ZNF600: variants seen among roughly 807,000 people sequenced by gnomAD.
ZNF600 encodes the protein zinc finger protein KR-ZNF1.
Under a neutral mutation model 7.3 loss-of-function variants are expected in ZNF600, and 4 were observed. That is an observed-to-expected ratio of 0.55 (90% CI 0.27 to 1.25). The LOEUF (loss-of-function observed/expected upper bound fraction) is 1.25, where lower values mean the gene tolerates loss of function less well. Among genes scored for constraint, ZNF600 ranks in the 50% most tolerant of loss-of-function variants. ZNF600 has a pLI of 0.12. For synonymous variants in ZNF600, 290 were observed against 308.9 expected (o/e 0.94, Z 0.64); for missense variants, 911 against 922.1 (o/e 0.99, Z 0.16).
At chr19:52,777,795 C>T (rs1474064400) in intron 2 of ZNF600, among the ~76,000 whole-genome samples, 10 of 151,554 alleles carry the variant, frequency 6.6e-5, no homozygotes, top group Non-Finnish European at 1.5e-4. Flanking sequence ...TTCCATTGCA[C>T]TCCACCTTTG....
the ZNF600 span, chr19:52,799,558 C>G: frequency 6.7e-7 from 1 of 1,502,702 alleles, no homozygotes; most frequent in Admixed American, 1.8e-5. Flanking sequence ...TTGTGACTTA[C>G]AAGGGTTGAA....
chr19:52,821,927 A>T, the ZNF600 span, among the ~76,000 whole-genome samples: 1 of 92,524 alleles, frequency 1.1e-5, no homozygotes, highest in Non-Finnish European at 2.6e-5. Flanking sequence ...AAAATAAAAA[A>T]ATAATAAAAA....
chr19:52,811,282 A>T, the ZNF600 span, among the ~76,000 whole-genome samples: 88 of 151,420 alleles, frequency 5.8e-4, no homozygotes, highest in Middle Eastern at 3.4e-3. Context: ...CCTCCCAAAG[A>T]GCCGAGATTG....
chr19:52,795,382 T>C, the ZNF600 span, among the ~76,000 whole-genome samples: 4 of 152,046 alleles, frequency 2.6e-5, no homozygotes, highest in Admixed American at 6.6e-5. Flanking sequence ...CTAGAAAGCA[T>C]GCAGTCCTCA....
chr19:52,811,776 C>G, the ZNF600 span, among the ~76,000 whole-genome samples: 1 of 148,542 alleles, frequency 6.7e-6, no homozygotes, highest in Non-Finnish European at 1.5e-5. Flanking sequence ...GGGTCAGCCC[C>G]CCGCCCGGCC....
chr19:52,825,205 TCAGCACACTCACAGGCAGCC>T, the ZNF600 span, among the ~76,000 whole-genome samples: 11 of 152,080 alleles, frequency 7.2e-5, no homozygotes, highest in Non-Finnish European at 1.5e-5. Flanking sequence ...TGTAGCGAAG[TCAGCACACTCACAGGCAGCC>T]AGTGTGGCAT....
At chr19:52,787,002 T>C (rs1261504191), upstream of ZNF600, among the ~76,000 whole-genome samples, 1 of 152,260 alleles carries the variant, frequency 6.6e-6, no homozygotes, top group Non-Finnish European at 1.5e-5. Context: ...TGGAATTATC[T>C]GGAACGGGAA....
the ZNF600 span, among the ~76,000 whole-genome samples, chr19:52,831,057 C>T: frequency 6.6e-6 from 1 of 152,214 alleles, no homozygotes; most frequent in Admixed American, 6.5e-5. Context: ...AGCAGTTTTA[C>T]GTCTCTTAAA....
the ZNF600 span, chr19:52,818,113 T>A: frequency 3.7e-6 from 5 of 1,356,442 alleles, no homozygotes; most frequent in Non-Finnish European, 5.0e-6. Flanking sequence ...CAAAGGAGAC[T>A]TCACCTTGAG....
the ZNF600 span, among the ~76,000 whole-genome samples, chr19:52,829,058 G>T: frequency 6.6e-6 from 1 of 152,008 alleles, no homozygotes; most frequent in Non-Finnish European, 1.5e-5. Flanking sequence ...TAGAGATGGG[G>T]TTTCACCATG....
chr19:52,774,414 A>T (rs1209884027), intron 3 of ZNF600, among the ~76,000 whole-genome samples, 161 bp downstream of exon 5: 1 of 151,212 alleles, frequency 6.6e-6, no homozygotes, highest in East Asian at 1.9e-4. Context: ...GGGTAACAAG[A>T]GCGAAGATCC....
chr19:52,766,136 G>T lies in ZNF600; in HGVS notation c.1827C>A (p.Tyr609Ter). The T allele has an allele frequency of 6.2e-7, 1 of 1,614,044 alleles. No individual in the cohort carries two copies. Among genetic ancestry groups the T allele is most frequent in the Non-Finnish European group, 8.5e-7 (1 of 1,180,002 alleles). ...TATGAAGTCTACGATGGCAATGAAG[G>T]TATGACCTCTGACTGAAGGTCTTGC... The change falls in exon 4 of 4, where the codon TAC becomes TAA. Residue 609 changes from tyrosine (Y) to a stop codon, truncating the protein, a stop_gained. Transcript: ENST00000648973. LOFTEE classifies it low-confidence loss of function (END_TRUNC).
At chr19:52,798,673 A>G in the ZNF600 span, 2 of 439,178 alleles carry the variant, frequency 4.6e-6, no homozygotes, top group East Asian at 1.3e-4. Context: ...CCTTGCCACA[A>G]TCATGACATT....
intron 2 of ZNF600, among the ~76,000 whole-genome samples, chr19:52,777,857 T>C (rs552391824): frequency 3.9e-5 from 6 of 152,060 alleles, no homozygotes; most frequent in African/African-American, 1.4e-4. Context: ...GATAGAGAGA[T>C]ACATATATAC....
the ZNF600 span, among the ~76,000 whole-genome samples, chr19:52,797,026 A>C: frequency 6.6e-6 from 1 of 152,254 alleles, no homozygotes; most frequent in Non-Finnish European, 1.5e-5. Context: ...AGGATATAAA[A>C]AGGATTGTAG....
chr19:52,827,182 G>GCTAT, the ZNF600 span, among the ~76,000 whole-genome samples: 1 of 149,218 alleles, frequency 6.7e-6, no homozygotes, highest in African/African-American at 2.5e-5. Flanking sequence ...GTTCGAGGCT[G>GCTAT]CTATAAACTA....
intron 1 of ZNF600, among the ~76,000 whole-genome samples, chr19:52,783,014 GA>G (rs2062735551): frequency 7.1e-6 from 1 of 140,588 alleles, no homozygotes; most frequent in Admixed American, 7.1e-5. Context: ...TAGTAACAGA[GA>G]CTCAGTCACT....
At chr19:52,796,773 G>A in the ZNF600 span, among the ~76,000 whole-genome samples, 1 of 152,110 alleles carries the variant, frequency 6.6e-6, no homozygotes, top group African/African-American at 2.4e-5. Context: ...TGGTCTCATC[G>A]CAAATTTGAT....
chr19:52,784,470 C>T (rs2062748594), intron 1 of ZNF600, among the ~76,000 whole-genome samples: 1 of 151,836 alleles, frequency 6.6e-6, no homozygotes, highest in Non-Finnish European at 1.5e-5. Context: ...TTTTTTCCCC[C>T]ACATCACTGT....
Sources: allele counts gnomAD v4.1 joint callset (sites outside exome capture counted in the v4.1 genomes callset), GRCh38; gene constraint gnomAD v4.1.1; transcripts MANE v1.5; gene names NCBI Gene and HGNC (gene_info 2026-07-23, HGNC 2026-07-21).